KHDRBS2: variants seen among roughly 807,000 people sequenced by gnomAD.
KHDRBS2 encodes KH RNA binding domain containing, signal transduction associated 2.
Under a neutral mutation model 44.3 loss-of-function variants are expected in KHDRBS2, and 26 were observed. That is an observed-to-expected ratio of 0.59 (90% CI 0.43 to 0.81). KHDRBS2 has a LOEUF of 0.81. Ranked by LOEUF, KHDRBS2 falls within the 40% of genes least tolerant of loss-of-function variation. The pLI is 0.00. For synonymous variants in KHDRBS2, 194 were observed against 151.1 expected (o/e 1.28, Z -2.08); for missense variants, 476 against 433.1 (o/e 1.10, Z -0.88).
chr6:61,931,619 C>A (rs1342865230), intron 4 of KHDRBS2, among the ~76,000 whole-genome samples: 1 of 152,054 alleles, frequency 6.6e-6, no homozygotes, highest in Non-Finnish European at 1.5e-5. Context: ...GAGAGTATTG[C>A]AAACTAGCCA....
intron 6 of KHDRBS2, among the ~76,000 whole-genome samples, chr6:61,790,662 T>C (rs1240964184): frequency 6.6e-6 from 1 of 151,602 alleles, no homozygotes; most frequent in East Asian, 1.9e-4. Flanking sequence ...TTTTTAAAAT[T>C]ATTGTTATTC....
chr6:62,033,894 T>A (rs562063292), intron 3 of KHDRBS2, among the ~76,000 whole-genome samples: 55 of 150,830 alleles, frequency 3.6e-4, no homozygotes, highest in African/African-American at 1.3e-3. Context: ...TTAGCCAGAA[T>A]AATTAAGGAA....
intron 2 of KHDRBS2, among the ~76,000 whole-genome samples, chr6:62,099,075 C>T (rs1801277342): frequency 6.6e-6 from 1 of 151,990 alleles, no homozygotes; most frequent in Non-Finnish European, 1.5e-5. Flanking sequence ...ATTGAGTTTC[C>T]TTGAACAGCT....
chr6:62,108,366 C>G (rs1244235613), intron 2 of KHDRBS2, among the ~76,000 whole-genome samples: 1 of 152,168 alleles, frequency 6.6e-6, no homozygotes, highest in Non-Finnish European at 1.5e-5. Flanking sequence ...CACTGGCCAT[C>G]AGGAGAAATG....
At chr6:61,780,577 A>T (rs938439245) in intron 6 of KHDRBS2, among the ~76,000 whole-genome samples, 10 of 152,202 alleles carry the variant, frequency 6.6e-5, no homozygotes, top group African/African-American at 2.4e-4. Context: ...AGAATATTCA[A>T]CACTGTATTC....
At chr6:61,907,532 A>T (rs1385251761) in intron 4 of KHDRBS2, among the ~76,000 whole-genome samples, 3 of 152,150 alleles carry the variant, frequency 2.0e-5, no homozygotes, top group Admixed American at 1.3e-4. Flanking sequence ...GTAGTTTCAT[A>T]GTTTGAGGTC....
the KHDRBS2 span, among the ~76,000 whole-genome samples, chr6:61,647,108 T>TCCCAAA: frequency 6.9e-6 from 1 of 144,706 alleles, no homozygotes; most frequent in African/African-American, 2.4e-5. Flanking sequence ...TGTGAGCCAC[T>TCCCAAA]GTGCCTGGCC....
intron 1 of KHDRBS2, among the ~76,000 whole-genome samples, chr6:62,197,319 A>T (rs890486294): frequency 2.6e-5 from 4 of 152,130 alleles, no homozygotes; most frequent in African/African-American, 9.7e-5. Flanking sequence ...TTGAACACAG[A>T]TCAAACAATA....
intron 7 of KHDRBS2, among the ~76,000 whole-genome samples, chr6:61,715,848 A>G (rs1024631929): frequency 3.3e-5 from 5 of 151,964 alleles, no homozygotes; most frequent in African/African-American, 1.2e-4. Context: ...TTAGAAAATC[A>G]GGACCATAGC....
At chr6:62,058,693 C>T (rs550088054) in intron 2 of KHDRBS2, among the ~76,000 whole-genome samples, 3 of 151,858 alleles carry the variant, frequency 2.0e-5, no homozygotes, top group Admixed American at 6.6e-5. Context: ...TAGAGTAGAA[C>T]ATTATTTTAT....
chr6:61,579,139 A>T, the KHDRBS2 span, among the ~76,000 whole-genome samples: 2 of 152,158 alleles, frequency 1.3e-5, no homozygotes, highest in Non-Finnish European at 2.9e-5. Context: ...TTAGCTATTG[A>T]TAGAAACCTC....
chr6:61,891,308 T>A (rs1403873831), intron 6 of KHDRBS2, among the ~76,000 whole-genome samples: 1 of 152,230 alleles, frequency 6.6e-6, no homozygotes, highest in Non-Finnish European at 1.5e-5. Flanking sequence ...GGATAAGCTT[T>A]TTGATGTGCT....
intron 6 of KHDRBS2, among the ~76,000 whole-genome samples, chr6:61,805,174 A>G (rs1366033581): frequency 6.6e-6 from 1 of 152,146 alleles, no homozygotes; most frequent in Non-Finnish European, 1.5e-5. Flanking sequence ...TTTTTCCTCC[A>G]GATACCCTAA....
chr6:62,139,272 GC>G (rs2150096525), intron 2 of KHDRBS2, among the ~76,000 whole-genome samples: 1 of 152,116 alleles, frequency 6.6e-6, no homozygotes, highest in East Asian at 1.9e-4. Context: ...ATTCATATGG[GC>G]CAGGCGCAGT....
chr6:61,660,762 A>G, the KHDRBS2 span, among the ~76,000 whole-genome samples: 2 of 151,748 alleles, frequency 1.3e-5, no homozygotes, highest in Admixed American at 6.6e-5. Context: ...GGCCTTCTCC[A>G]GTGAAATTGA....
At chr6:62,216,169 T>G (rs2150148727) in intron 1 of KHDRBS2, among the ~76,000 whole-genome samples, 1 of 151,852 alleles carries the variant, frequency 6.6e-6, no homozygotes, top group South Asian at 2.1e-4. Flanking sequence ...TTGACTCCTT[T>G]TAGATTTTAC....
chr6:62,123,779 C>T (rs1185363326), intron 2 of KHDRBS2, among the ~76,000 whole-genome samples: 1 of 152,170 alleles, frequency 6.6e-6, no homozygotes, highest in East Asian at 1.9e-4. Context: ...GGAAATCCTA[C>T]AGTGCTATTT....
At chr6:61,983,257 T>TTA (rs1774353571) in intron 3 of KHDRBS2, among the ~76,000 whole-genome samples, 1 of 134,734 alleles carries the variant, frequency 7.4e-6, no homozygotes, top group African/African-American at 2.8e-5. Flanking sequence ...TTTTTTTTTT[T>TTA]ATAGTGACTA....
intron 2 of KHDRBS2, among the ~76,000 whole-genome samples, chr6:62,085,433 A>T (rs1466570198): frequency 6.6e-6 from 1 of 152,140 alleles, no homozygotes; most frequent in African/African-American, 2.4e-5. Flanking sequence ...ACTGAGAAGA[A>T]TAGGAAAGAT....
Sources: allele counts gnomAD v4.1 joint callset (sites outside exome capture counted in the v4.1 genomes callset), GRCh38; gene constraint gnomAD v4.1.1; transcripts MANE v1.5; gene names NCBI Gene and HGNC (gene_info 2026-07-23, HGNC 2026-07-21).